ACTR3C: variants seen among roughly 807,000 people sequenced by gnomAD.
The protein encoded by ACTR3C is actin related protein 3C, also known as actin-related protein 3C.
Under a neutral mutation model 26.3 loss-of-function variants are expected in ACTR3C, and 18 were observed. That is an observed-to-expected ratio of 0.68 (90% CI 0.47 to 1.01). ACTR3C has a LOEUF of 1.01. Ranked by LOEUF, ACTR3C falls within the 50% of genes least tolerant of loss-of-function variation. The probability of loss-of-function intolerance (pLI) is 0.00; values close to 1 mark genes in which losing one functional copy is unlikely to be tolerated. For missense variants in ACTR3C, 184 were observed against 250.7 expected, an observed-to-expected ratio of 0.73 and a Z score of 1.80; for synonymous variants, 55 against 94.5, an observed-to-expected ratio of 0.58 and a Z score of 2.42.
chr7:149,957,202 C>G, the ACTR3C span, among the ~76,000 whole-genome samples: 8 of 151,940 alleles, frequency 5.3e-5, no homozygotes, highest in Admixed American at 5.2e-4. Flanking sequence ...ATGCATTTCA[C>G]CGGACTTCTT....
the ACTR3C span, among the ~76,000 whole-genome samples, chr7:150,232,378 T>C: frequency 1.3e-5 from 2 of 152,184 alleles, no homozygotes; most frequent in Admixed American, 6.5e-5. Flanking sequence ...TTGATATTAT[T>C]AGGTTAATAT....
the ACTR3C span, among the ~76,000 whole-genome samples, chr7:150,107,289 G>A: frequency 0.18 from 26,488 of 146,916 alleles, 3,490 homozygotes; most frequent in African/African-American, 0.36. Flanking sequence ...TTCTCACACT[G>A]TATTTTTTTA....
the ACTR3C span, among the ~76,000 whole-genome samples, chr7:149,920,154 G>A: frequency 2.2e-3 from 329 of 151,294 alleles, no homozygotes; most frequent in African/African-American, 7.8e-3. Context: ...TCTTTCAGTT[G>A]GCTGGGTTAT....
the ACTR3C span, among the ~76,000 whole-genome samples, chr7:149,904,422 C>T: frequency 1.3e-5 from 2 of 150,564 alleles, no homozygotes; most frequent in South Asian, 2.1e-4. Context: ...CCCAACTACT[C>T]GGGAGGCTGA....
the ACTR3C span, among the ~76,000 whole-genome samples, chr7:150,035,197 C>A: frequency 6.3e-5 from 8 of 126,484 alleles, no homozygotes; most frequent in African/African-American, 1.0e-4. Context: ...CAGTCCCCGC[C>A]TCACGGGGGG....
chr7:150,017,809 G>A, the ACTR3C span, among the ~76,000 whole-genome samples: 1 of 150,162 alleles, frequency 6.7e-6, no homozygotes, highest in Admixed American at 6.6e-5. Context: ...AGTGAAAACC[G>A]CAGGCTCCAC....
At chr7:149,967,045 T>TTTTTTTTTC in the ACTR3C span, among the ~76,000 whole-genome samples, 2 of 133,650 alleles carry the variant, frequency 1.5e-5, no homozygotes, top group Non-Finnish European at 3.3e-5. Flanking sequence ...TTTTTTTTTT[T>TTTTTTTTTC]TTTTTTTGAG....
the ACTR3C span, among the ~76,000 whole-genome samples, chr7:150,156,015 GGA>G: frequency 6.6e-6 from 1 of 152,024 alleles, no homozygotes; most frequent in East Asian, 1.9e-4. Context: ...ATTCTGGAAT[GGA>G]GAGGGAATTG....
chr7:150,123,839 G>C, the ACTR3C span, among the ~76,000 whole-genome samples: 1 of 152,194 alleles, frequency 6.6e-6, no homozygotes, highest in Non-Finnish European at 1.5e-5. Flanking sequence ...AGAGCAGAGG[G>C]TGCTATCCCC....
the ACTR3C span, among the ~76,000 whole-genome samples, chr7:150,190,220 CT>C: frequency 6.6e-6 from 1 of 152,170 alleles, no homozygotes; most frequent in Non-Finnish European, 1.5e-5. Flanking sequence ...AGTTAAGTTT[CT>C]GTTTACATCT....
the ACTR3C span, among the ~76,000 whole-genome samples, chr7:150,040,182 T>C: frequency 4.7e-5 from 7 of 148,256 alleles, 1 homozygote; most frequent in Non-Finnish European, 9.0e-5. Flanking sequence ...ATTTGCTTCT[T>C]GTACTAGCAG....
Position 150,252,225 on chromosome 7 carries a change from A to G in ACTR3C, c.565-3171T>C, listed in dbSNP as rs186274780. Among the ~76,000 whole-genome samples, 220 of 152,286 alleles carry G rather than the reference A, an allele frequency of 1.4e-3. 3 individuals are homozygous for G. The East Asian group carries it at 0.038, about 26-fold the overall frequency. On this transcript the variant is annotated intron_variant, in intron 6 of 7. Coordinates refer to ENST00000683684, the MANE Select transcript of ACTR3C (RefSeq NM_001164458.2). ...AAAATTCCTATGGGTGACTTAATCA[A>G]CATGTATTTCTGAAGTTCTTACTTT...
intron 6 of ACTR3C, among the ~76,000 whole-genome samples, chr7:150,257,981 G>A (rs542973723): frequency 4.9e-4 from 74 of 152,332 alleles, no homozygotes; most frequent in African/African-American, 1.6e-3. Flanking sequence ...GGGCTTCACC[G>A]CTAGATGCCA....
chr7:150,149,768 G>A, the ACTR3C span, among the ~76,000 whole-genome samples: 1 of 152,052 alleles, frequency 6.6e-6, no homozygotes, highest in African/African-American at 2.4e-5. Context: ...TCTGTGTGCA[G>A]TTTGTGATGT....
At chr7:150,150,398 G>A in the ACTR3C span, among the ~76,000 whole-genome samples, 1 of 152,306 alleles carries the variant, frequency 6.6e-6, no homozygotes, top group African/African-American at 2.4e-5. Context: ...GGGAGACAGG[G>A]AGAGAGGCTT....
the ACTR3C span, among the ~76,000 whole-genome samples, chr7:150,081,015 A>G: frequency 6.6e-6 from 1 of 152,220 alleles, no homozygotes; most frequent in Non-Finnish European, 1.5e-5. Flanking sequence ...TATTCACTGA[A>G]GAGGGAATTT....
At chr7:149,955,571 T>A in the ACTR3C span, among the ~76,000 whole-genome samples, 1 of 152,112 alleles carries the variant, frequency 6.6e-6, no homozygotes, top group African/African-American at 2.4e-5. Flanking sequence ...AGTCGTAAGG[T>A]GCATACGGTG....
the ACTR3C span, among the ~76,000 whole-genome samples, chr7:149,882,467 C>T: frequency 6.6e-6 from 1 of 152,152 alleles, no homozygotes; most frequent in African/African-American, 2.4e-5. Context: ...TAGCTCCTTC[C>T]CAGGCAGGGT....
chr7:150,213,725 G>A, the ACTR3C span, among the ~76,000 whole-genome samples: 1 of 150,976 alleles, frequency 6.6e-6, no homozygotes, highest in African/African-American at 2.4e-5. Context: ...ATTAAAGTAG[G>A]TTTTGCTTCT....
Sources: allele counts gnomAD v4.1 joint callset (sites outside exome capture counted in the v4.1 genomes callset), GRCh38; gene constraint gnomAD v4.1.1; transcripts MANE v1.5; gene names NCBI Gene and HGNC (gene_info 2026-07-23, HGNC 2026-07-21).